NOS1AP: variants seen among roughly 807,000 people sequenced by gnomAD.
NOS1AP encodes carboxyl-terminal PDZ ligand of neuronal nitric oxide synthase protein.
In NOS1AP, 21 loss-of-function variants were observed where a neutral mutation model predicts 56.2. The observed-to-expected ratio is 0.37, with a 90% CI of 0.26 to 0.54. The LOEUF (loss-of-function observed/expected upper bound fraction) is 0.54, where lower values mean the gene tolerates loss of function less well. NOS1AP is among the 20% of genes least tolerant of loss of function. The pLI is 0.84. For missense variants in NOS1AP, 522 were observed against 657.8 expected, an observed-to-expected ratio of 0.79 and a Z score of 2.26; for synonymous variants, 270 against 274.6, an observed-to-expected ratio of 0.98 and a Z score of 0.17.
chr1:162,351,280 C>G (rs1278439761), intron 6 of NOS1AP, among the ~76,000 whole-genome samples: 1 of 152,200 alleles, frequency 6.6e-6, no homozygotes, highest in Non-Finnish European at 1.5e-5. Context: ...CAAAAAGTGG[C>G]CATTTCAAGC....
intron 2 of NOS1AP, among the ~76,000 whole-genome samples, chr1:162,212,025 A>G (rs1284023475): frequency 6.6e-6 from 1 of 152,254 alleles, no homozygotes; most frequent in Non-Finnish European, 1.5e-5. Context: ...AACCTAGCTC[A>G]TAATCTCTAG....
intron 6 of NOS1AP, among the ~76,000 whole-genome samples, chr1:162,345,626 A>G (rs1280287624): frequency 6.6e-6 from 1 of 152,208 alleles, no homozygotes; most frequent in Non-Finnish European, 1.5e-5. Flanking sequence ...AACAAAAGAA[A>G]TGCTAGTCTG....
chr1:162,139,986 C>T lies in NOS1AP; in HGVS notation c.106-14419C>T, dbSNP rs117968918. On this transcript the variant is annotated intron_variant, in intron 1 of 9. Coordinates refer to ENST00000361897, the MANE Select transcript of NOS1AP (RefSeq NM_014697.3). ...GAGATTACAGGTGTGCACCACCACA[C>T]GCAGCTAATTTTTTGTATTTTCAGT... 8.6e-3 allele frequency among the ~76,000 whole-genome samples: 1,309 copies of T among 152,242 alleles called. 11 individuals carry two copies. Among genetic ancestry groups the T allele is most frequent in the South Asian group, 0.023 (110 of 4,808 alleles).
intron 2 of NOS1AP, among the ~76,000 whole-genome samples, chr1:162,193,089 T>TA (rs1651694886): frequency 6.6e-6 from 1 of 152,174 alleles, no homozygotes; most frequent in South Asian, 2.1e-4. Flanking sequence ...GAAGGATAGT[T>TA]ACAATAGTTA....
chr1:162,233,274 T>C (rs1653183430), intron 2 of NOS1AP, among the ~76,000 whole-genome samples: 1 of 152,176 alleles, frequency 6.6e-6, no homozygotes, highest in South Asian at 2.1e-4. Context: ...CAAACAGAGC[T>C]TGCTAAGTAG....
At chr1:162,154,853 C>T (rs978268220) in intron 2 of NOS1AP, among the ~76,000 whole-genome samples, 4 of 151,988 alleles carry the variant, frequency 2.6e-5, no homozygotes, top group South Asian at 2.1e-4. Flanking sequence ...GGGGTTTCAC[C>T]GTGTTGCCCA....
intron 2 of NOS1AP, among the ~76,000 whole-genome samples, chr1:162,264,468 C>CTT (rs1344402726): frequency 3.2e-4 from 4 of 12,648 alleles, no homozygotes; most frequent in Non-Finnish European, 6.5e-4. Context: ...CTCTTCTCCT[C>CTT]CCCTCCCCTC....
intron 2 of NOS1AP, among the ~76,000 whole-genome samples, chr1:162,220,430 C>T (rs1432276702): frequency 6.6e-6 from 1 of 152,066 alleles, no homozygotes; most frequent in Admixed American, 6.5e-5. Context: ...CACAGGTGTC[C>T]AGAGTGCGTA....
chr1:162,144,063 A>G (rs1399659243), intron 1 of NOS1AP, among the ~76,000 whole-genome samples: 1 of 152,176 alleles, frequency 6.6e-6, no homozygotes, highest in Admixed American at 6.5e-5. Context: ...TTCCATTCCC[A>G]AAGTCATTCA....
intron 2 of NOS1AP, among the ~76,000 whole-genome samples, chr1:162,157,454 C>G (rs757643053): frequency 3.9e-5 from 6 of 152,198 alleles, no homozygotes; most frequent in African/African-American, 7.2e-5. Flanking sequence ...TTACAGCTGT[C>G]AAGAACTAGG....
At position 162,369,416 on chromosome 1, in the gene NOS1AP, A is replaced by G. The variant is rs1219895833; in HGVS notation, c.*1949A>G. ...TAACCCAGGGTTCCCTGAGTCCAAG[A>G]CCACTTAGATTATTAAGATTTTGAA... On this transcript the variant is annotated 3_prime_UTR_variant, in exon 10 of 10. Coordinates refer to ENST00000361897, the MANE Select transcript of NOS1AP (RefSeq NM_014697.3). 1 of 152,006 alleles carries G rather than the reference A, an allele frequency of 6.6e-6. No homozygotes were observed. Among genetic ancestry groups the G allele is most frequent in the Non-Finnish European group, 1.5e-5 (1 of 68,018 alleles). 9.4% of individuals were successfully genotyped at this position (152,006 alleles called of 1,614,324 possible). A position where few individuals can be genotyped will look rare whatever the true frequency, so the allele number is the denominator to read the frequency against.
intron 2 of NOS1AP, among the ~76,000 whole-genome samples, chr1:162,200,668 G>A (rs964709407): frequency 6.6e-6 from 1 of 152,246 alleles, no homozygotes; most frequent in African/African-American, 2.4e-5. Flanking sequence ...GAGAATATGG[G>A]AGGATGACTT....
chr1:162,077,923 C>T (rs1012684224), intron 1 of NOS1AP, among the ~76,000 whole-genome samples: 1 of 152,172 alleles, frequency 6.6e-6, no homozygotes, highest in Admixed American at 6.5e-5. Context: ...AACTTCTGTC[C>T]TGGCTGCTGT....
intron 2 of NOS1AP, among the ~76,000 whole-genome samples, chr1:162,240,725 A>G (rs552060675): frequency 6.6e-6 from 1 of 152,380 alleles, no homozygotes; most frequent in South Asian, 2.1e-4. Flanking sequence ...TACAAGGCAC[A>G]TGGTCATTTC....
chr1:162,285,628 G>A (rs1462255710), intron 2 of NOS1AP, among the ~76,000 whole-genome samples: 2 of 152,018 alleles, frequency 1.3e-5, no homozygotes, highest in Non-Finnish European at 2.9e-5. Flanking sequence ...TGTCAGATGC[G>A]CCTCTTCTTC....
chr1:162,214,939 A>G (rs1652508782), intron 2 of NOS1AP, among the ~76,000 whole-genome samples: 1 of 152,192 alleles, frequency 6.6e-6, no homozygotes, highest in African/African-American at 2.4e-5. Context: ...ATTTTTTGAA[A>G]ATGTCACCTT....
chr1:162,224,861 G>T (rs1652890875), intron 2 of NOS1AP, among the ~76,000 whole-genome samples: 1 of 152,218 alleles, frequency 6.6e-6, no homozygotes, highest in African/African-American at 2.4e-5. Flanking sequence ...GAGGGTCACT[G>T]CCTTATCAGA....
chr1:162,309,304 G>T (rs1350934819), intron 4 of NOS1AP, among the ~76,000 whole-genome samples: 2 of 152,138 alleles, frequency 1.3e-5, no homozygotes, highest in African/African-American at 4.8e-5. Flanking sequence ...CAAGAAATCA[G>T]TTCTTAAACT....
chr1:162,327,252 T>A lies in NOS1AP; in HGVS notation c.345-5765T>A, dbSNP rs574888874. 3.3e-5 allele frequency among the ~76,000 whole-genome samples: 5 copies of A among 152,226 alleles called. No individual in the cohort carries two copies. In the South Asian group the frequency reaches 6.3e-4, roughly 19 times the overall value. The stretch of plus-strand genomic sequence containing the variant: ...AGAAACACTAGAACATATGTAATTT[T>A]AAAAAACCGAAGTTCAAAACCAAGA... On this transcript the variant is annotated intron_variant, in intron 4 of 9. Transcript: ENST00000361897.
Sources: allele counts gnomAD v4.1 joint callset (sites outside exome capture counted in the v4.1 genomes callset), GRCh38; gene constraint gnomAD v4.1.1; transcripts MANE v1.5; gene names NCBI Gene and HGNC (gene_info 2026-07-23, HGNC 2026-07-21).